Variants in GTF2H1 observed in about 807,000 individuals in gnomAD.
The protein encoded by GTF2H1 is BTF2 p62.
Under a neutral mutation model 71.2 loss-of-function variants are expected in GTF2H1, and 16 were observed. The ratio of observed to expected loss-of-function variants is 0.22; its 90% CI spans 0.15 to 0.34. GTF2H1 has a LOEUF of 0.34. Ranked by LOEUF, GTF2H1 falls within the 10% of genes least tolerant of loss-of-function variation. GTF2H1 has a pLI of 1.00. For missense variants in GTF2H1, 498 were observed against 648.2 expected, an observed-to-expected ratio of 0.77 and a Z score of 2.52; for synonymous variants, 215 against 219.0, an observed-to-expected ratio of 0.98 and a Z score of 0.16.
At chr11:18,342,879 A>G (rs747856334) in intron 7 of GTF2H1, among the ~76,000 whole-genome samples, 3 of 152,156 alleles carry the variant, frequency 2.0e-5, no homozygotes, top group Non-Finnish European at 2.9e-5. Flanking sequence ...AGATTCTGAT[A>G]TCTTCTAACA....
At chr11:18,332,362 A>G (rs1395747709) in intron 1 of GTF2H1, among the ~76,000 whole-genome samples, 1 of 152,194 alleles carries the variant, frequency 6.6e-6, no homozygotes, top group African/African-American at 2.4e-5. Context: ...CCAGACAGCC[A>G]CACTCAAGCC....
At chr11:18,336,559 C>A (rs555094182) in intron 3 of GTF2H1, among the ~76,000 whole-genome samples, 1 of 152,046 alleles carries the variant, frequency 6.6e-6, no homozygotes, top group South Asian at 2.1e-4. Flanking sequence ...ATGTGCAAAC[C>A]CAGAAGCTGA....
intron 14 of GTF2H1, 153 bp downstream of exon 14, chr11:18,360,860 C>T (rs977022650): frequency 1.9e-6 from 1 of 532,104 alleles, no homozygotes; most frequent in Non-Finnish European, 3.2e-6. Context: ...GGCTGGAGTA[C>T]AGTGGCTCCA....
chr11:18,353,773 T>C (rs1865479277), intron 11 of GTF2H1, among the ~76,000 whole-genome samples: 1 of 152,246 alleles, frequency 6.6e-6, no homozygotes, highest in South Asian at 2.1e-4. Flanking sequence ...CAGAAAAATA[T>C]GTTTTCCAAC....
Position 18,322,600 on chromosome 11 carries a change from C to T in GTF2H1, c.-156C>T, listed in dbSNP as rs1213778223. ...CGCAGCCAGCGATGGAGGCGAGACCCCCTAGTAACAGAGGCGGTGGCTACT... is the reference window on the plus strand; with the variant it reads ...CGCAGCCAGCGATGGAGGCGAGACCTCCTAGTAACAGAGGCGGTGGCTACT... On this transcript the variant is annotated 5_prime_UTR_variant, in exon 1 of 15. Coordinates refer to ENST00000265963, the MANE Select transcript of GTF2H1 (RefSeq NM_005316.4). 1.3e-5 allele frequency: 2 copies of T among 152,234 alleles called. No homozygotes were observed. Among genetic ancestry groups the T allele is most frequent in the African/African-American group, 2.4e-5 (1 of 41,468 alleles). The allele number at this position is 152,234 out of a possible 1,614,324, so 9.4% of individuals were successfully genotyped here. A position where few individuals can be genotyped will look rare whatever the true frequency, so the allele number is the denominator to read the frequency against.
chr11:18,356,584 G>A (rs1239455313), intron 11 of GTF2H1, among the ~76,000 whole-genome samples: 4 of 151,976 alleles, frequency 2.6e-5, no homozygotes, highest in African/African-American at 9.7e-5. Flanking sequence ...TTGTCTTGGG[G>A]GTGGTGGTGT....
intron 1 of GTF2H1, among the ~76,000 whole-genome samples, chr11:18,327,780 G>A (rs992319494): frequency 6.6e-6 from 1 of 152,178 alleles, no homozygotes; most frequent in African/African-American, 2.4e-5. Context: ...GTAGGGACAG[G>A]GTTTTGCTAT....
intron 12 of GTF2H1, 98 bp from the exon 13 acceptor site, chr11:18,358,423 CAAAG>C (rs1865614053): frequency 3.0e-6 from 2 of 655,864 alleles, no homozygotes; most frequent in Admixed American, 5.6e-5. Context: ...TTGGCATTGA[CAAAG>C]AGTACACATT....
At chr11:18,357,449 A>G (rs1002559225) in intron 11 of GTF2H1, among the ~76,000 whole-genome samples, 1 of 152,068 alleles carries the variant, frequency 6.6e-6, no homozygotes, top group Non-Finnish European at 1.5e-5. Flanking sequence ...TGCGGAGTAC[A>G]CACCTGTAGT....
intron 14 of GTF2H1, among the ~76,000 whole-genome samples, chr11:18,362,911 C>T (rs1328807381): frequency 2.0e-5 from 3 of 152,080 alleles, no homozygotes. Flanking sequence ...CCTCGTGATC[C>T]ACCCACCTCG....
intron 1 of GTF2H1, among the ~76,000 whole-genome samples, chr11:18,327,639 C>A (rs1030472134): frequency 6.6e-6 from 1 of 152,168 alleles, no homozygotes; most frequent in East Asian, 1.9e-4. Flanking sequence ...TACTCTGTCA[C>A]CCAGACTGGA....
At chr11:18,332,308 C>T (rs1398723592) in intron 1 of GTF2H1, among the ~76,000 whole-genome samples, 2 of 152,176 alleles carry the variant, frequency 1.3e-5, no homozygotes, top group African/African-American at 4.8e-5. Context: ...CCATCCTGGC[C>T]CATGGCAGAC....
chr11:18,363,820 C>T (rs1590202026), intron 14 of GTF2H1, among the ~76,000 whole-genome samples: 1 of 151,946 alleles, frequency 6.6e-6, no homozygotes, highest in East Asian at 1.9e-4. Context: ...CACCTGTAAT[C>T]CCAGTACTTT....
In GTF2H1 at chr11:18,360,705, A is replaced by G. The variant is rs1383101537; in HGVS notation, c.1558A>G (p.Asn520Asp). The change falls in exon 14 of 15, where the codon AAT becomes GAT. Residue 520 changes from asparagine (N) to aspartate (D), a missense_variant and splice_region_variant. By Grantham distance (23) the Asn-to-Asp change is conservative. Around this residue, in one of 3 missense-constraint regions of GTF2H1, gnomAD observed 266 missense variants for 301.6 expected, o/e 0.88. Coordinates refer to ENST00000265963, the MANE Select transcript of GTF2H1 (RefSeq NM_005316.4). Reference protein sequence around the residue: ...EKIRRQYLSTNLVSHIEEMLQ... With the variant: ...EKIRRQYLSTDLVSHIEEMLQ... ...GATTCGGAGACAGTATTTAAGCACAAATGTAAGGCAGCAATCTGATTTTTG... is the reference window on the plus strand; with the variant it reads ...GATTCGGAGACAGTATTTAAGCACAGATGTAAGGCAGCAATCTGATTTTTG... 3.3e-6 allele frequency: 5 copies of G among 1,496,216 alleles called. No homozygotes were observed. Among genetic ancestry groups the G allele is most frequent in the East Asian group, 2.4e-5 (1 of 41,742 alleles). 92.7% of individuals were successfully genotyped at this position (1,496,216 alleles called of 1,614,324 possible).
At chr11:18,329,476 C>CA (rs1483129516) in intron 1 of GTF2H1, among the ~76,000 whole-genome samples, 2 of 152,228 alleles carry the variant, frequency 1.3e-5, no homozygotes, top group African/African-American at 4.8e-5. Context: ...TCTGCTGCTT[C>CA]AGTGGTCCTC....
At chr11:18,336,069 C>T (rs192304435) in intron 3 of GTF2H1, 123 bp downstream of exon 3, 24 of 621,894 alleles carry the variant, frequency 3.9e-5, no homozygotes, top group East Asian at 9.0e-5. Context: ...TTGTTGTTGT[C>T]GTTTTTGTTT....
rs375088625 is a variant in GTF2H1, at chr11:18,360,752, A to C, written c.1560+45A>C. On this transcript the variant is annotated intron_variant, in intron 14 of 14. Transcript: ENST00000265963. ...TTTGCCTGATCTTCTTTCTCTTTGT[A>C]GTAAAATGATGAAATTGATTTTGCT... The C allele has an allele frequency of 6.2e-6, 6 of 975,240 alleles. No individual in the cohort carries two copies. The South Asian group carries it at 8.9e-5, about 15-fold the overall frequency. The allele number at this position is 975,240 out of a possible 1,614,324, so 60.4% of individuals were successfully genotyped here. A position where few individuals can be genotyped will look rare whatever the true frequency, so the allele number is the denominator to read the frequency against.
At chr11:18,356,377 CAAAA>C (rs771914874) in intron 11 of GTF2H1, among the ~76,000 whole-genome samples, 6 of 76,948 alleles carry the variant, frequency 7.8e-5, no homozygotes, top group African/African-American at 1.3e-4. Flanking sequence ...GACTCTGTCT[CAAAA>C]AAAAAAAAAA....
chr11:18,351,419 T>C (rs1865421249), intron 9 of GTF2H1, among the ~76,000 whole-genome samples: 1 of 151,754 alleles, frequency 6.6e-6, no homozygotes, highest in South Asian at 2.1e-4. Flanking sequence ...GTAGCTGGGA[T>C]TACAGGCACC....
Sources: allele counts gnomAD v4.1 joint callset (sites outside exome capture counted in the v4.1 genomes callset), GRCh38; gene constraint gnomAD v4.1.1; regional missense constraint gnomAD v4.1.1; transcripts MANE v1.5; gene names NCBI Gene and HGNC (gene_info 2026-07-23, HGNC 2026-07-21).